The following PLRG1 variants were observed in gnomAD, a reference collection of about 807,000 sequenced individuals.
PLRG1 encodes the protein pleiotropic regulator 1 (PRL1 homolog, Arabidopsis).
PLRG1 carries 28 observed loss-of-function variants against 74.9 expected under a neutral mutation model. That is an observed-to-expected ratio of 0.37 (90% CI 0.28 to 0.51). The LOEUF is 0.51. Among genes scored for constraint, PLRG1 ranks in the 20% least tolerant of loss-of-function variants. The probability of loss-of-function intolerance (pLI) is 0.91; values close to 1 mark genes in which losing one functional copy is unlikely to be tolerated. For missense variants in PLRG1, 445 were observed against 631.9 expected, an observed-to-expected ratio of 0.70 and a Z score of 3.17; for synonymous variants, 197 against 212.4, an observed-to-expected ratio of 0.93 and a Z score of 0.63.
intron 13 of PLRG1, 37 bp downstream of exon 13, chr4:154,537,930 AAC>A (rs1188790239): frequency 8.5e-7 from 1 of 1,179,574 alleles, no homozygotes; most frequent in Non-Finnish European, 1.2e-6. Flanking sequence ...AAGAAAAAAT[AAC>A]AGACTAAACA....
At position 154,540,531 on chromosome 4, in the gene PLRG1, C is replaced by A; in HGVS notation, c.939+63G>T. On this transcript the variant is annotated intron_variant, in intron 10 of 14. Coordinates refer to ENST00000499023, the MANE Select transcript of PLRG1 (RefSeq NM_002669.4). Reference sequence around the variant, plus strand: ...ATCAATCAATTGAAGACACTGAAACCGAAAGTGCACCCTACAAGATGCAAT... The same window carrying A: ...ATCAATCAATTGAAGACACTGAAACAGAAAGTGCACCCTACAAGATGCAAT... 3 of 1,083,488 alleles carry A rather than the reference C, an allele frequency of 2.8e-6. No individual in the cohort carries two copies. The South Asian group carries it at 3.8e-5, about 14-fold the overall frequency. 67.1% of individuals were successfully genotyped at this position (1,083,488 alleles called of 1,614,324 possible). A position where few individuals can be genotyped will look rare whatever the true frequency, so the allele number is the denominator to read the frequency against.
chr4:154,542,891 G>A (rs1729579683), intron 7 of PLRG1, among the ~76,000 whole-genome samples: 1 of 152,166 alleles, frequency 6.6e-6, no homozygotes, highest in East Asian at 1.9e-4. Context: ...TGGGGAGGCA[G>A]AAGATAAAGA....
chr4:154,547,701 C>T lies in PLRG1; in HGVS notation c.259+10G>A. The T allele has an allele frequency of 6.2e-7, 1 of 1,606,048 alleles. No homozygotes were observed. The highest frequency in any genetic ancestry group is 8.5e-7 in the Non-Finnish European group (1 of 1,174,060). ...TATAAGTCTGACATTTCTGATAATA[C>T]CATACTCACCTTGATTGGCAGGGTA... On this transcript the variant is annotated intron_variant, in intron 3 of 14. Transcript: ENST00000499023.
At chr4:154,544,632 G>T in intron 6 of PLRG1, 86 bp from the exon 7 acceptor site, 1 of 701,966 alleles carries the variant, frequency 1.4e-6, no homozygotes, top group East Asian at 2.8e-5. Context: ...ATGGAAAGAG[G>T]GAACTTACAA....
chr4:154,539,311 C>T, intron 11 of PLRG1, 98 bp from the exon 12 acceptor site: 1 of 751,230 alleles, frequency 1.3e-6, no homozygotes, highest in East Asian at 2.5e-5. Flanking sequence ...CACATATGTT[C>T]TAAATGAAAG....
chr4:154,547,625 C>T, intron 3 of PLRG1, 86 bp downstream of exon 3: 6 of 1,259,278 alleles, frequency 4.8e-6, no homozygotes, highest in Non-Finnish European at 5.8e-6. Context: ...ATAAGTCCTG[C>T]CAGGAGGGGC....
rs374843414 is a variant in PLRG1 at position 154,545,862 on chromosome 4, G to C, written c.466C>G (p.Arg156Gly). 1.2e-6 allele frequency: 2 copies of C among 1,610,948 alleles called. No homozygotes were observed. Among genetic ancestry groups the C allele is most frequent in the Admixed American group, 1.7e-5 (1 of 59,830 alleles). The stretch of plus-strand genomic sequence containing the variant: ...GAATTCATCGCTGTAGGCTGTGGAC[G>C]GTCAGAAGCCCCAGGATGTCGGTAT... ...SEYRHPGASD[R>G]PQPTAMNSIV... The change falls in exon 6 of 15, where the codon CGT becomes GGT. Residue 156 changes from arginine to glycine, a missense_variant. Coordinates refer to ENST00000499023, the MANE Select transcript of PLRG1 (RefSeq NM_002669.4).
Position 154,550,344 on chromosome 4 carries a change from A to C in PLRG1, c.-36T>G. ...TGTATCCCACCTCCGGCAGGGAAGA[A>C]ACTCTAATCACTAACGCAGTACCCG... is the stretch of plus-strand genomic sequence containing the variant. On this transcript the variant is annotated 5_prime_UTR_variant, in exon 1 of 15. Coordinates refer to ENST00000499023, the MANE Select transcript of PLRG1 (RefSeq NM_002669.4). 4.4e-6 allele frequency: 7 copies of C among 1,607,126 alleles called. No homozygotes were observed. Among genetic ancestry groups the C allele is most frequent in the Non-Finnish European group, 6.0e-6 (7 of 1,173,764 alleles).
At chr4:154,549,017 C>T (rs1411193639) in intron 1 of PLRG1, 82 bp from the exon 2 acceptor site, 5 of 824,858 alleles carry the variant, frequency 6.1e-6, no homozygotes, top group African/African-American at 3.4e-5. Context: ...ATACACTTCA[C>T]GTGTTTAAAT....
At chr4:154,539,250 C>A (rs1189677181) in intron 11 of PLRG1, 37 bp from the exon 12 acceptor site, 1 of 1,180,270 alleles carries the variant, frequency 8.5e-7, no homozygotes, top group East Asian at 2.3e-5. Context: ...AAAACATAGA[C>A]CAGGAAAAAT....
intron 11 of PLRG1, 91 bp from the exon 12 acceptor site, chr4:154,539,304 A>G (rs1267062667): frequency 6.1e-6 from 5 of 814,360 alleles, no homozygotes; most frequent in South Asian, 1.5e-5. Flanking sequence ...TCCAAAACAC[A>G]TATGTTCTAA....
intron 2 of PLRG1, among the ~76,000 whole-genome samples, chr4:154,548,098 G>T (rs116345235): frequency 6.6e-6 from 1 of 152,028 alleles, no homozygotes; most frequent in Non-Finnish European, 1.5e-5. Flanking sequence ...AACCTTTTAT[G>T]ATAAATTGTC....
chr4:154,545,464 TACA>T (rs76801087), intron 6 of PLRG1, among the ~76,000 whole-genome samples: 4 of 152,044 alleles, frequency 2.6e-5, no homozygotes, highest in Non-Finnish European at 5.9e-5. Flanking sequence ...CCATGAATAG[TACA>T]ACACTAACAG....
rs752639959 is a variant in PLRG1, at chr4:154,546,211, C to A, written c.316G>T (p.Val106Phe). The stretch of plus-strand genomic sequence containing the variant: ...ATCTTAGTATCTGCTGTCAAAGCAA[C>A]CCCTATTAAAATGAAAAATCAACTT... ...GTHPYPPGPG[V>F]ALTADTKIQR... The change falls in exon 5 of 15, where the codon GTT becomes TTT. Residue 106 changes from valine to phenylalanine, a missense_variant and splice_region_variant. Val to Phe is a conservative substitution (Grantham distance 50). Transcript: ENST00000499023. The A allele has an allele frequency of 1.3e-6, 2 of 1,570,840 alleles. No homozygotes were observed. The highest frequency in any genetic ancestry group is 1.1e-5 in the South Asian group (1 of 90,158).
In PLRG1 at chr4:154,548,937, T is replaced by TA. The variant is rs762320448; in HGVS notation, c.10-3dup. The TA allele has an allele frequency of 4.4e-4, 666 of 1,511,596 alleles. No individual in the cohort carries two copies. The highest frequency in any genetic ancestry group is 1.7e-3 in the African/African-American group (123 of 72,560). 93.6% of individuals were successfully genotyped at this position (1,511,596 alleles called of 1,614,324 possible). Reference sequence around the variant, plus strand: ...GTGTACAGAATGTTTCTGTACCTCCTAAAAAAAAAGAATGTAATTACACAC... The same window carrying TA: ...GTGTACAGAATGTTTCTGTACCTCCTAAAAAAAAAAGAATGTAATTACACAC... On this transcript the variant is annotated splice_polypyrimidine_tract_variant and splice_region_variant and intron_variant, in intron 1 of 14. Transcript: ENST00000499023.
At chr4:154,538,699 G>A (rs1352773745) in intron 12 of PLRG1, among the ~76,000 whole-genome samples, 1 of 152,028 alleles carries the variant, frequency 6.6e-6, no homozygotes, top group Non-Finnish European at 1.5e-5. Flanking sequence ...TACTCTGACT[G>A]TAATGTTCAC....
chr4:154,539,111 G>A lies in PLRG1; in HGVS notation c.1145C>T (p.Pro382Leu). 1 of 1,554,296 alleles carries A rather than the reference G, an allele frequency of 6.4e-7. No individual in the cohort carries two copies. Among genetic ancestry groups the A allele is most frequent in the Non-Finnish European group, 8.9e-7 (1 of 1,125,694 alleles). Residue 382 changes from proline (P) to leucine (L), a missense_variant, in exon 12 of 15, where the codon CCA becomes CTA. This residue lies in a region of PLRG1 where 221 missense variants were observed against 377.7 expected (regional missense o/e 0.59). Coordinates refer to ENST00000499023, the MANE Select transcript of PLRG1 (RefSeq NM_002669.4). ...KKSVRAVVLH[P>L]RHYTFASGSP... Reference sequence around the variant, plus strand: ...ATTAGGAAAATACACTTACTGTCTTGGATGTAAAACCACAGCCCTAACTGA... The same window carrying A: ...ATTAGGAAAATACACTTACTGTCTTAGATGTAAAACCACAGCCCTAACTGA...
At chr4:154,543,460 T>C (rs1429347382) in intron 7 of PLRG1, among the ~76,000 whole-genome samples, 2 of 152,178 alleles carry the variant, frequency 1.3e-5, no homozygotes, top group Admixed American at 6.5e-5. Context: ...ACACACTGTA[T>C]GCTTGTATCA....
At chr4:154,540,353 T>C (rs1729533300) in intron 10 of PLRG1, 3 of 583,870 alleles carry the variant, frequency 5.1e-6, no homozygotes, top group Non-Finnish European at 9.1e-6. Context: ...TGTTACAGAA[T>C]GGAACGTGAG....
Sources: allele counts gnomAD v4.1 joint callset (sites outside exome capture counted in the v4.1 genomes callset), GRCh38; gene constraint gnomAD v4.1.1; regional missense constraint gnomAD v4.1.1; transcripts MANE v1.5; gene names NCBI Gene and HGNC (gene_info 2026-07-23, HGNC 2026-07-21).